The following NRG2 variants were observed in gnomAD, a reference collection of about 807,000 sequenced individuals.
NRG2 encodes pro-neuregulin-2, membrane-bound isoform.
In NRG2, 27 loss-of-function variants were observed where a neutral mutation model predicts 73.9. The ratio of observed to expected loss-of-function variants is 0.37; its 90% CI spans 0.27 to 0.50. The LOEUF (loss-of-function observed/expected upper bound fraction) is 0.50. Ranked by LOEUF, NRG2 falls within the 20% of genes least tolerant of loss-of-function variation. The pLI is 0.96. For missense variants in NRG2, 1,126 were observed against 1,210.1 expected (o/e 0.93, Z 1.03); for synonymous variants, 532 against 541.0 (o/e 0.98, Z 0.23).
chr5:139,916,338 T>C (rs1751253170), intron 1 of NRG2, among the ~76,000 whole-genome samples: 1 of 152,220 alleles, frequency 6.6e-6, no homozygotes, highest in African/African-American at 2.4e-5. Context: ...TTTAAAGCTT[T>C]CTGTAAAATA....
rs143588677 is a variant in NRG2 at position 139,900,698 on chromosome 5, C to T, written c.701-13187G>A. On this transcript the variant is annotated intron_variant, in intron 1 of 9. Coordinates refer to ENST00000361474, the MANE Select transcript of NRG2 (RefSeq NM_004883.3). ...GGGCTAGTGGAGTAAGTGGGACTGA[C>T]CAGGTATGGGTAGCAACTGGGAAAC... is the stretch of plus-strand genomic sequence containing the variant. Among the ~76,000 whole-genome samples the T allele has an allele frequency of 9.4e-3, 1,429 of 152,318 alleles. 11 individuals are homozygous for T. Among genetic ancestry groups the T allele is most frequent in the Middle Eastern group, 0.044 (13 of 294 alleles).
intron 1 of NRG2, among the ~76,000 whole-genome samples, chr5:139,976,094 A>G (rs1580856312): frequency 6.6e-6 from 1 of 152,134 alleles, no homozygotes; most frequent in South Asian, 2.1e-4. Context: ...AGGCTGAGAG[A>G]CTTGTCCAAG....
chr5:139,884,694 C>A (rs569393213), intron 2 of NRG2, among the ~76,000 whole-genome samples: 9 of 152,264 alleles, frequency 5.9e-5, no homozygotes, highest in East Asian at 3.9e-4. Context: ...AGAAGCTAGA[C>A]TAGAGACTCA....
chr5:140,031,340 C>G (rs549728417), intron 1 of NRG2, among the ~76,000 whole-genome samples: 1 of 152,252 alleles, frequency 6.6e-6, no homozygotes, highest in African/African-American at 2.4e-5. Flanking sequence ...GAAAAAGAAA[C>G]CAACCAACAG....
chr5:140,028,732 G>A (rs562378400), intron 1 of NRG2, among the ~76,000 whole-genome samples: 4 of 152,196 alleles, frequency 2.6e-5, no homozygotes, highest in East Asian at 3.9e-4. Flanking sequence ...TTCTTTGACC[G>A]TCCTTCCACC....
rs150210648 is a variant in NRG2, at chr5:139,928,047, C to A, written c.701-40536G>T. On this transcript the variant is annotated intron_variant, in intron 1 of 9. Transcript: ENST00000361474. ...AAAGCATGAGCCATCCCAATCCTCACACAATCACCCCACAGCACACCCCAC... is the reference window on the plus strand; with the variant it reads ...AAAGCATGAGCCATCCCAATCCTCAAACAATCACCCCACAGCACACCCCAC... 1.4e-4 allele frequency among the ~76,000 whole-genome samples: 21 copies of A among 152,240 alleles called. No homozygotes were observed. In the East Asian group the frequency reaches 3.9e-3, roughly 28 times the overall value.
chr5:140,010,396 A>C (rs1759267410), intron 1 of NRG2, among the ~76,000 whole-genome samples: 1 of 152,220 alleles, frequency 6.6e-6, no homozygotes, highest in Non-Finnish European at 1.5e-5. Flanking sequence ...AGTGAAGCCT[A>C]ATGTATAGAC....
intron 1 of NRG2, among the ~76,000 whole-genome samples, chr5:139,958,661 A>C (rs1754823115): frequency 6.6e-6 from 1 of 152,254 alleles, no homozygotes; most frequent in African/African-American, 2.4e-5. Context: ...AAAAATCCCC[A>C]AACCATAAAC....
intron 1 of NRG2, among the ~76,000 whole-genome samples, chr5:139,936,477 C>T (rs1276962213): frequency 6.6e-6 from 1 of 152,144 alleles, no homozygotes; most frequent in Non-Finnish European, 1.5e-5. Context: ...ATCTAAATAG[C>T]CCTATATCTA....
intron 1 of NRG2, among the ~76,000 whole-genome samples, chr5:139,901,666 A>G (rs549481858): frequency 6.6e-5 from 10 of 152,334 alleles, no homozygotes; most frequent in Admixed American, 3.3e-4. Context: ...TCAGCTAGTG[A>G]TGCTAATCTG....
In NRG2 at chr5:139,925,710, G is replaced by A. The variant is rs544535239; in HGVS notation, c.701-38199C>T. Among the ~76,000 whole-genome samples, 4 of 152,372 alleles carry A rather than the reference G, an allele frequency of 2.6e-5. No individual in the cohort carries two copies. In the South Asian group the frequency reaches 6.2e-4, roughly 24 times the overall value. ...CTGCAGCCGAACCAGGCCCTGGGAT[G>A]TACAACCGTGCTGGCAGAGGCCACG... On this transcript the variant is annotated intron_variant, in intron 1 of 9. Coordinates refer to ENST00000361474, the MANE Select transcript of NRG2 (RefSeq NM_004883.3).
chr5:140,005,474 C>G (rs1307511740), intron 1 of NRG2, among the ~76,000 whole-genome samples: 1 of 152,234 alleles, frequency 6.6e-6, no homozygotes, highest in African/African-American at 2.4e-5. Context: ...CTGACAGTGT[C>G]TGCCTCCACA....
intron 3 of NRG2, among the ~76,000 whole-genome samples, chr5:139,872,360 G>A (rs948965251): frequency 2.8e-4 from 42 of 152,102 alleles, no homozygotes; most frequent in African/African-American, 1.0e-3. Context: ...TTTAGGACAC[G>A]GTCATTTTCT....
At chr5:140,033,203 C>T (rs1761276541) in intron 1 of NRG2, among the ~76,000 whole-genome samples, 1 of 152,166 alleles carries the variant, frequency 6.6e-6, no homozygotes, top group African/African-American at 2.4e-5. Flanking sequence ...GAACCCACTC[C>T]CAACCCTGGA....
intron 1 of NRG2, among the ~76,000 whole-genome samples, chr5:139,928,673 T>TCTTAACTCCAGCTGGAAACTTGCCC (rs1752243838): frequency 6.6e-6 from 1 of 152,178 alleles, no homozygotes; most frequent in Non-Finnish European, 1.5e-5. Context: ...AACTCTGTGC[T>TCTTAACTCCAGCTGGAAACTTGCCC]CTTAACTCCA....
chr5:139,974,603 A>G (rs1756237172), intron 1 of NRG2, among the ~76,000 whole-genome samples: 1 of 151,702 alleles, frequency 6.6e-6, no homozygotes, highest in Admixed American at 6.6e-5. Flanking sequence ...TAATTTACCA[A>G]TAGTTTTTTT....
chr5:139,854,968 C>T lies in NRG2; in HGVS notation c.1292+708G>A, dbSNP rs145601572. On this transcript the variant is annotated intron_variant, in intron 6 of 9. Coordinates refer to ENST00000361474, the MANE Select transcript of NRG2 (RefSeq NM_004883.3). ...TTTTTCCTGTCCCTGGCCCTTTGCT[C>T]CAGCTAGTCTGGGCTGCCCATGCTC... 9.2e-4 allele frequency among the ~76,000 whole-genome samples: 140 copies of T among 152,306 alleles called. 1 individual carries two copies. In the Middle Eastern group the frequency reaches 0.02, roughly 22 times the overall value.
intron 1 of NRG2, among the ~76,000 whole-genome samples, chr5:139,985,220 A>G (rs191527110): frequency 6.6e-6 from 1 of 151,902 alleles, no homozygotes; most frequent in South Asian, 2.1e-4. Context: ...CACACCTGTA[A>G]TCCCAGCTAC....
intron 1 of NRG2, among the ~76,000 whole-genome samples, chr5:140,019,978 T>G (rs1760095228): frequency 1.3e-5 from 2 of 152,174 alleles, no homozygotes; most frequent in African/African-American, 4.8e-5. Context: ...GGTCTCAAAC[T>G]CCTGATCTCA....
Sources: gnomAD v4.1 joint callset for allele counts (sites outside exome capture counted in the v4.1 genomes callset) on GRCh38, gnomAD v4.1.1 for gene constraint, MANE v1.5 for transcripts, NCBI Gene and HGNC (gene_info 2026-07-23, HGNC 2026-07-21) for gene names.